TTN: variants seen among roughly 807,000 people sequenced by gnomAD.
The protein encoded by TTN is connectin.
In TTN, 1,525 loss-of-function variants were observed where a neutral mutation model predicts 3,223.0. That is an observed-to-expected ratio of 0.47 (90% confidence interval 0.45 to 0.49). The LOEUF (loss-of-function observed/expected upper bound fraction) is 0.49. Ranked by LOEUF, TTN falls within the 20% of genes least tolerant of loss-of-function variation. The pLI, the probability that TTN is intolerant of heterozygous loss-of-function variation, is 0.00. For missense variants in TTN, 40,786 were observed against 43,424.0 expected, an observed-to-expected ratio of 0.94 and a Z score of 5.40; for synonymous variants, 14,094 against 15,161.0, an observed-to-expected ratio of 0.93 and a Z score of 5.17.
intron 43 of TTN, among the ~76,000 whole-genome samples, chr2:178,759,679 G>A (rs1370987084): frequency 2.0e-5 from 3 of 152,104 alleles, no homozygotes; most frequent in South Asian, 2.1e-4. Context: ...TTTGAAGGCT[G>A]TAGAAAAAAA....
At position 178,642,232 on chromosome 2, in the gene TTN, T is replaced by G. The variant is rs146283562; in HGVS notation, c.40558+5A>C. Reference sequence around the variant, plus strand: ...CGCTGACAGAATGGTTGAAAAATACTATACCGCTTTTCAGAACAACTTCTT... The same window carrying G: ...CGCTGACAGAATGGTTGAAAAATACGATACCGCTTTTCAGAACAACTTCTT... On this transcript the variant is annotated splice_donor_5th_base_variant and intron_variant, in intron 219 of 362. Coordinates refer to ENST00000589042, the MANE Select transcript of TTN (RefSeq NM_001267550.2). 1.3e-6 allele frequency: 2 copies of G among 1,577,070 alleles called. No homozygotes were observed. The highest frequency in any genetic ancestry group is 3.6e-5 in the Admixed American group (2 of 54,960).
Position 178,566,185 on chromosome 2 carries a change from T to A in TTN, c.79947A>T (p.Ser26649=). 1.2e-6 allele frequency: 2 copies of A among 1,613,706 alleles called. No homozygotes were observed. The highest frequency in any genetic ancestry group is 1.7e-6 in the Non-Finnish European group (2 of 1,179,708). ...IEKGVNYTQL[S]IDNCDRNDAG... is the part of the protein sequence containing the mutation. The stretch of plus-strand genomic sequence containing the variant: ...CATCATTTCTATCACAGTTATCTAT[T>A]GATAGTTGGGTATAGTTTACTCCCT... The change falls in exon 326 of 363, where the codon TCA becomes TCT. Residue 26649 remains serine, a synonymous_variant. Transcript: ENST00000589042.
rs2069731015 is a variant in TTN at position 178,682,635 on chromosome 2, T to C, written c.33094+62A>G. On this transcript the variant is annotated intron_variant, in intron 135 of 362. Transcript: ENST00000589042. ...TTTTATCTTGTTATGATTTATCTTG[T>C]TTTATCTTGTTTGAGTGTGCACATA... 4 of 1,414,960 alleles carry C rather than the reference T, an allele frequency of 2.8e-6. No homozygotes were observed. In the East Asian group the frequency reaches 1.0e-4, roughly 35 times the overall value. 87.7% of individuals were successfully genotyped at this position (1,414,960 alleles called of 1,614,324 possible). A position where few individuals can be genotyped will look rare whatever the true frequency, so the allele number is the denominator to read the frequency against.
In TTN at chr2:178,670,239, G is replaced by T. The variant is rs752662529; in HGVS notation, c.35365C>A (p.Pro11789Thr). Residue 11789 changes from proline to threonine, a missense_variant, in exon 157 of 363, where the codon CCC becomes ACC. Physicochemically the swap from Pro to Thr is conservative, Grantham distance 38. Coordinates refer to ENST00000589042, the MANE Select transcript of TTN (RefSeq NM_001267550.2). The stretch of plus-strand genomic sequence containing the variant: ...TTACCTTTAGTTGGTGGAACTCTGG[G>T]CTCTTCAGGAACACGTACTTTTTCT... The part of the protein sequence containing the change: ...VEEKVRVPEE[P>T]RVPPTKAPEV... 50 of 1,489,246 alleles carry T rather than the reference G, an allele frequency of 3.4e-5. No homozygotes were observed. The highest frequency in any genetic ancestry group is 4.3e-5 in the Non-Finnish European group (48 of 1,124,812). 92.3% of individuals were successfully genotyped at this position (1,489,246 alleles called of 1,614,324 possible).
At chr2:178,603,443 A>G (rs755684021) in intron 282 of TTN, among the ~76,000 whole-genome samples, 22 of 151,944 alleles carry the variant, frequency 1.4e-4, no homozygotes, top group Non-Finnish European at 2.9e-4. Flanking sequence ...AGAATCCTAA[A>G]TCTTTGTTCA....
chr2:178,794,496 T>A lies in TTN; in HGVS notation c.1301A>T (p.Asp434Val), dbSNP rs1478114976. The A allele has an allele frequency of 1.2e-6, 2 of 1,614,200 alleles. No individual in the cohort carries two copies. Among genetic ancestry groups the A allele is most frequent in the Non-Finnish European group, 1.7e-6 (2 of 1,180,016 alleles). ...CACTGGTTCTCTCACTCTGGCCATA[T>A]CAACGGCAGCAACAACAGTCGCAAC... ...AAVATVVAAV[D>V]MARVREPVIS... The change falls in exon 8 of 363, where the codon GAT (aspartate) becomes GTT (valine). Residue 434 changes from aspartate (D) to valine (V), a missense_variant. Transcript: ENST00000589042.
chr2:178,674,111 T>A (rs1031534448), intron 151 of TTN, among the ~76,000 whole-genome samples: 2 of 151,784 alleles, frequency 1.3e-5, no homozygotes, highest in Admixed American at 6.6e-5. Flanking sequence ...TAGTAATCTC[T>A]CATTCTTAGT....
At position 178,641,478 on chromosome 2, in the gene TTN, G is replaced by GT. The variant is rs200141700; in HGVS notation, c.40559-164dup. 3.2e-3 allele frequency: 1,414 copies of GT among 447,126 alleles called. 2 individuals carry two copies. The highest frequency in any genetic ancestry group is 2.9e-3 in the Non-Finnish European group (745 of 256,708). 27.7% of individuals were successfully genotyped at this position (447,126 alleles called of 1,614,324 possible). A position where few individuals can be genotyped will look rare whatever the true frequency, so the allele number is the denominator to read the frequency against. On this transcript the variant is annotated intron_variant, in intron 219 of 362. Transcript: ENST00000589042. ...TTACACCGAAAGTGTTTTTTGTTTTGTTTTTTTTAAAATCAAAGGTTGTCA... is the reference window on the plus strand; with the variant it reads ...TTACACCGAAAGTGTTTTTTGTTTTGTTTTTTTTTAAAATCAAAGGTTGTCA...
rs140813978 is a variant in TTN, at chr2:178,791,741, C to T, written c.1662+331G>A. Among the ~76,000 whole-genome samples, 56 of 150,886 alleles carry T rather than the reference C, an allele frequency of 3.7e-4. No individual in the cohort carries two copies. The Middle Eastern group carries it at 0.01, about 28-fold the overall frequency. The stretch of plus-strand genomic sequence containing the variant: ...GCATTACAATCTAAGTGACTGAGGG[C>T]TTAGGCTATGCACGAAGAAACCAAC... On this transcript the variant is annotated intron_variant, in intron 10 of 362. Coordinates refer to ENST00000589042, the MANE Select transcript of TTN (RefSeq NM_001267550.2).
chr2:178,535,181 T>C lies in TTN; in HGVS notation c.101434A>G (p.Thr33812Ala), dbSNP rs770125593. 2 of 1,613,930 alleles carry C rather than the reference T, an allele frequency of 1.2e-6. No individual in the cohort carries two copies. Among genetic ancestry groups the C allele is most frequent in the East Asian group, 2.2e-5 (1 of 44,880 alleles). Reference protein sequence around the residue: ...VSMTKASHSSTKELYEKYMIA... With the variant: ...VSMTKASHSSAKELYEKYMIA... ...ATATATTTCTCATAGAGTTCCTTGGTTGAAGAGTGAGATGCTTTAGTCATG... is the reference window on the plus strand; with the variant it reads ...ATATATTTCTCATAGAGTTCCTTGGCTGAAGAGTGAGATGCTTTAGTCATG... Residue 33812 changes from threonine to alanine, a missense_variant, in exon 358 of 363, where the codon ACC (threonine) becomes GCC (alanine). Transcript: ENST00000589042.
At chr2:178,751,569 T>C in intron 47 of TTN, 3 of 1,613,184 alleles carry the variant, frequency 1.9e-6, no homozygotes, top group Non-Finnish European at 1.7e-6. Context: ...TCTGCTCTTT[T>C]CAGAAATTCT....
At chr2:178,715,432 T>C (rs976845231) in intron 89 of TTN, 61 bp downstream of exon 89, 10 of 1,546,690 alleles carry the variant, frequency 6.5e-6, no homozygotes, top group Admixed American at 6.0e-5. Context: ...AAACAGGAAG[T>C]TAAGAGGACA....
Position 178,591,812 on chromosome 2 carries a change from G to C in TTN, c.60007C>G (p.Arg20003Gly), listed in dbSNP as rs1039014549. The change falls in exon 303 of 363, where the codon CGT becomes GGT. Residue 20003 changes from arginine to glycine, a missense_variant. By Grantham distance (125) the Arg-to-Gly change is moderately radical. Coordinates refer to ENST00000589042, the MANE Select transcript of TTN (RefSeq NM_001267550.2). Reference sequence around the variant, plus strand: ...CCAGTGATTGGAGAACCACCATCACGATCCGGCTTATTCCAGACTAGGGAG... The same window carrying C: ...CCAGTGATTGGAGAACCACCATCACCATCCGGCTTATTCCAGACTAGGGAG... Reference protein sequence around the residue: ...EVSLVWNKPDRDGGSPITGYL... With the variant: ...EVSLVWNKPDGDGGSPITGYL... The C allele has an allele frequency of 1.2e-6, 2 of 1,613,244 alleles. No individual in the cohort carries two copies. The highest frequency in any genetic ancestry group is 1.7e-5 in the Admixed American group (1 of 59,924).
In TTN at chr2:178,731,440, T is replaced by C. The variant is rs767553328; in HGVS notation, c.17326A>G (p.Ile5776Val). Reference sequence around the variant, plus strand: ...ACATTGTTCTCAAAGGTCATTCTTATATTATCGTCTTCAGTGATTTCATCG... The same window carrying C: ...ACATTGTTCTCAAAGGTCATTCTTACATTATCGTCTTCAGTGATTTCATCG... Reference protein sequence around the residue: ...DSDEITEDDNIRMTFENNVAS... With the variant: ...DSDEITEDDNVRMTFENNVAS... The change falls in exon 59 of 363, where the codon ATA becomes GTA. Residue 5776 changes from isoleucine (I) to valine (V), a missense_variant. By Grantham distance (29) the Ile-to-Val change is conservative. Transcript: ENST00000589042. The C allele has an allele frequency of 5.0e-6, 8 of 1,613,674 alleles. No individual in the cohort carries two copies. The highest frequency in any genetic ancestry group is 2.2e-5 in the East Asian group (1 of 44,866).
intron 127 of TTN, among the ~76,000 whole-genome samples, chr2:178,686,603 AT>A (rs1213348081): frequency 6.6e-6 from 1 of 151,734 alleles, no homozygotes; most frequent in African/African-American, 2.4e-5. Context: ...TTTTTGTAGA[AT>A]GGGGCTTGCT....
chr2:178,625,680 A>T (rs976416757), intron 240 of TTN, among the ~76,000 whole-genome samples: 9 of 151,986 alleles, frequency 5.9e-5, no homozygotes, highest in African/African-American at 1.9e-4. Context: ...CCACTAACTC[A>T]TCATCTAGCA....
rs769416699 is a variant in TTN, at chr2:178,534,304, A to G, written c.102311T>C (p.Met34104Thr). 1 of 1,613,756 alleles carries G rather than the reference A, an allele frequency of 6.2e-7. No homozygotes were observed. Among genetic ancestry groups the G allele is most frequent in the Non-Finnish European group, 8.5e-7 (1 of 1,179,824 alleles). The change falls in exon 358 of 363, where the codon ATG becomes ACG. Residue 34104 changes from methionine (M) to threonine (T), a missense_variant. By Grantham distance (81) the Met-to-Thr change is moderately conservative. Transcript: ENST00000589042. ...GGAGATCCGGGCTGCTGACACAACC[A>G]TGTTGAGGTCTTTCTTGATCAGGGT... The part of the protein sequence containing the change: ...YHTLIKKDLN[M>T]VVSAARISCG...
rs760956511 is a variant in TTN, at chr2:178,617,821, G to C, written c.47530C>G (p.Pro15844Ala). The C allele has an allele frequency of 1.2e-6, 2 of 1,612,460 alleles. No homozygotes were observed. The highest frequency in any genetic ancestry group is 4.5e-5 in the East Asian group (2 of 44,694). The change falls in exon 253 of 363, where the codon CCA becomes GCA. Residue 15844 changes from proline (P) to alanine (A), a missense_variant. Transcript: ENST00000589042. ...RAQNRIGVGK[P>A]SAATPFVKVA... ...TTGACGAAGGGTGTGGCTGCACTTG[G>C]TTTTCCAACTCCAATTCGATTTTGG...
intron 41 of TTN, 68 bp downstream of exon 41, chr2:178,766,313 T>C (rs2090409519): frequency 4.0e-6 from 5 of 1,263,170 alleles, no homozygotes; most frequent in Non-Finnish European, 5.8e-6. Context: ...TACAAGAATT[T>C]AGTGACTTAA....
Sources: gnomAD v4.1 joint callset for allele counts (sites outside exome capture counted in the v4.1 genomes callset) on GRCh38, gnomAD v4.1.1 for gene constraint, MANE v1.5 for transcripts, NCBI Gene and HGNC (gene_info 2026-07-23, HGNC 2026-07-21) for gene names.